PIP4K2A: variants seen among roughly 807,000 people sequenced by gnomAD.
PIP4K2A encodes the protein phosphatidylinositol 5-phosphate 4-kinase type-2 alpha.
A neutral mutation model predicts 42.9 loss-of-function variants in PIP4K2A; 14 were observed. That is an observed-to-expected ratio of 0.33 (90% CI 0.22 to 0.51). The LOEUF is 0.51. Ranked by LOEUF, PIP4K2A falls within the 20% of genes least tolerant of loss-of-function variation. PIP4K2A has a pLI of 0.97. For synonymous variants in PIP4K2A, 192 were observed against 192.2 expected, an observed-to-expected ratio of 1.00 and a Z score of 0.01; for missense variants, 434 against 519.8, an observed-to-expected ratio of 0.83 and a Z score of 1.61.
chr10:22,675,934 A>C (rs1250645323), intron 1 of PIP4K2A, among the ~76,000 whole-genome samples: 1 of 152,236 alleles, frequency 6.6e-6, no homozygotes, highest in African/African-American at 2.4e-5. Context: ...TATTCCTTAA[A>C]TACTTTGGAA....
chr10:22,536,118 G>T lies in PIP4K2A; in HGVS notation c.*1083C>A, dbSNP rs1393960094. 2 of 398,320 alleles carry T rather than the reference G, an allele frequency of 5.0e-6. No homozygotes were observed. Among genetic ancestry groups the T allele is most frequent in the Non-Finnish European group, 8.8e-6 (2 of 226,032 alleles). The allele number at this position is 398,320 out of a possible 1,614,324, so 24.7% of individuals were successfully genotyped here. On this transcript the variant is annotated 3_prime_UTR_variant, in exon 10 of 10. Coordinates refer to ENST00000376573, the MANE Select transcript of PIP4K2A (RefSeq NM_005028.5). The stretch of plus-strand genomic sequence containing the variant: ...AATAATGTAAACAGTAAAACTGAGG[G>T]TTTCAGTTAAAGGGATAATTCGTAA...
intron 5 of PIP4K2A, among the ~76,000 whole-genome samples, chr10:22,570,697 A>G (rs1343462465): frequency 6.6e-6 from 1 of 152,242 alleles, no homozygotes; most frequent in Non-Finnish European, 1.5e-5. Context: ...AACTATTTTT[A>G]TAATAATACT....
At chr10:22,652,888 G>C (rs1222437181) in intron 1 of PIP4K2A, among the ~76,000 whole-genome samples, 1 of 152,198 alleles carries the variant, frequency 6.6e-6, no homozygotes, top group Non-Finnish European at 1.5e-5. Flanking sequence ...GAGCCCAGTA[G>C]TTTGAGACCA....
rs1835910422 is a variant in PIP4K2A, at chr10:22,536,069, T to C, written c.*1132A>G. 2 of 398,412 alleles carry C rather than the reference T, an allele frequency of 5.0e-6. No individual in the cohort carries two copies. Among genetic ancestry groups the C allele is most frequent in the Admixed American group, 4.4e-5 (1 of 22,718 alleles). The allele number at this position is 398,412 out of a possible 1,614,324, so 24.7% of individuals were successfully genotyped here. A position where few individuals can be genotyped will look rare whatever the true frequency, so the allele number is the denominator to read the frequency against. ...ACATGCTGTACATCAAATTTTTAGA[T>C]TCAAAAGATATCCCTGTTTTCCTAA... On this transcript the variant is annotated 3_prime_UTR_variant, in exon 10 of 10. Coordinates refer to ENST00000376573, the MANE Select transcript of PIP4K2A (RefSeq NM_005028.5).
At chr10:22,576,476 G>C (rs1327372174) in intron 4 of PIP4K2A, among the ~76,000 whole-genome samples, 1 of 152,162 alleles carries the variant, frequency 6.6e-6, no homozygotes, top group Non-Finnish European at 1.5e-5. Flanking sequence ...CTGAACCAGG[G>C]AGACTGTAGA....
chr10:22,630,988 T>C (rs1437250275), intron 1 of PIP4K2A, among the ~76,000 whole-genome samples: 3 of 152,062 alleles, frequency 2.0e-5, no homozygotes, highest in Admixed American at 6.5e-5. Context: ...AGAGAGTAGG[T>C]AGGAACTAAA....
intron 4 of PIP4K2A, among the ~76,000 whole-genome samples, chr10:22,581,541 G>A (rs1837279493): frequency 8.0e-6 from 1 of 124,906 alleles, no homozygotes. Flanking sequence ...GATCAGCCAG[G>A]GCAACACAGG....
intron 7 of PIP4K2A, among the ~76,000 whole-genome samples, chr10:22,548,339 G>A (rs1279281278): frequency 6.6e-6 from 1 of 152,206 alleles, no homozygotes; most frequent in East Asian, 1.9e-4. Flanking sequence ...GGTATTATTA[G>A]AGACAACAAA....
intron 9 of PIP4K2A, 47 bp downstream of exon 9, chr10:22,539,924 A>AGT: frequency 1.1e-6 from 1 of 950,096 alleles, no homozygotes; most frequent in Non-Finnish European, 1.7e-6. Flanking sequence ...AGAGAGAGAG[A>AGT]GAGAGAGGGA....
rs145126328 is a variant in PIP4K2A at position 22,686,245 on chromosome 10, T to C, written c.144+27938A>G. Among the ~76,000 whole-genome samples the C allele has an allele frequency of 5.3e-5, 8 of 152,338 alleles. No individual in the cohort carries two copies. In the East Asian group the frequency reaches 1.2e-3, roughly 22 times the overall value. ...TTGGACAACTTGAACTCCTAGATAG[T>C]TGTTCTTCTCTCCTGAAGGAAATGT... On this transcript the variant is annotated intron_variant, in intron 1 of 9. Coordinates refer to ENST00000376573, the MANE Select transcript of PIP4K2A (RefSeq NM_005028.5).
intron 1 of PIP4K2A, among the ~76,000 whole-genome samples, chr10:22,678,889 A>G (rs1342799920): frequency 6.6e-6 from 1 of 152,250 alleles, no homozygotes; most frequent in East Asian, 1.9e-4. Flanking sequence ...TTAGACAGCT[A>G]TGAAAAAGAA....
intron 4 of PIP4K2A, among the ~76,000 whole-genome samples, chr10:22,581,517 G>T (rs1308404513): frequency 2.3e-5 from 3 of 129,140 alleles, no homozygotes; most frequent in Non-Finnish European, 4.7e-5. Context: ...GGTTGCTTTA[G>T]CCCAGGAGTT....
At chr10:22,597,519 T>G (rs1837661197) in intron 3 of PIP4K2A, among the ~76,000 whole-genome samples, 1 of 152,212 alleles carries the variant, frequency 6.6e-6, no homozygotes, top group Non-Finnish European at 1.5e-5. Flanking sequence ...CCACTTTCTC[T>G]GCTTACAACT....
At position 22,622,682 on chromosome 10, in the gene PIP4K2A, G is replaced by A. The variant is rs542068023; in HGVS notation, c.145-12965C>T. Among the ~76,000 whole-genome samples the A allele has an allele frequency of 7.9e-4, 120 of 152,352 alleles. 2 individuals carry two copies. Among genetic ancestry groups the A allele is most frequent in the Non-Finnish European group, 2.6e-4 (18 of 68,030 alleles). ...CCACTCCACATACCCGGGACAAGTC[G>A]TCTGTCTTCCAGCACCTCGTTCTAA... On this transcript the variant is annotated intron_variant, in intron 1 of 9. Coordinates refer to ENST00000376573, the MANE Select transcript of PIP4K2A (RefSeq NM_005028.5).
rs1277162761 is a variant in PIP4K2A at position 22,653,660 on chromosome 10, T to C, written c.145-43943A>G. On this transcript the variant is annotated intron_variant, in intron 1 of 9. Transcript: ENST00000376573. The stretch of plus-strand genomic sequence containing the variant: ...CGGGCATGGTGGCTCACCCCTGTAA[T>C]CCCAGCACTTCGGGAGGCTGAGGTG... Among the ~76,000 whole-genome samples, 5 of 152,072 alleles carry C rather than the reference T, an allele frequency of 3.3e-5. No homozygotes were observed. In the South Asian group the frequency reaches 6.2e-4, roughly 19 times the overall value.
chr10:22,543,740 G>A (rs568128367), intron 7 of PIP4K2A, among the ~76,000 whole-genome samples: 1 of 152,204 alleles, frequency 6.6e-6, no homozygotes, highest in East Asian at 1.9e-4. Context: ...GGGCGGCTGC[G>A]GGGAGAAATC....
intron 1 of PIP4K2A, among the ~76,000 whole-genome samples, chr10:22,678,065 G>C (rs1052231537): frequency 2.0e-5 from 3 of 151,970 alleles, no homozygotes; most frequent in Admixed American, 6.5e-5. Flanking sequence ...TAAAGCTCCT[G>C]TACATTTTTC....
chr10:22,652,585 A>G (rs964572155), intron 1 of PIP4K2A, among the ~76,000 whole-genome samples: 3 of 152,236 alleles, frequency 2.0e-5, no homozygotes, highest in Non-Finnish European at 4.4e-5. Context: ...ATTATCTAGC[A>G]TATTATTTCA....
chr10:22,693,100 A>C (rs1301135767), intron 1 of PIP4K2A, among the ~76,000 whole-genome samples: 1 of 152,218 alleles, frequency 6.6e-6, no homozygotes, highest in Non-Finnish European at 1.5e-5. Context: ...TTTCCTTAGA[A>C]TCAGGGGGTG....
Sources: gnomAD v4.1 joint callset for allele counts (sites outside exome capture counted in the v4.1 genomes callset) on GRCh38, gnomAD v4.1.1 for gene constraint, MANE v1.5 for transcripts, NCBI Gene and HGNC (gene_info 2026-07-23, HGNC 2026-07-21) for gene names.